Variants in PHLDB2 observed in about 807,000 individuals in gnomAD.
The protein encoded by PHLDB2 is pleckstrin homology-like domain family B member 2.
Under a neutral mutation model 123.6 loss-of-function variants are expected in PHLDB2, and 71 were observed. The ratio of observed to expected loss-of-function variants is 0.57; its 90% CI spans 0.47 to 0.70. The LOEUF (loss-of-function observed/expected upper bound fraction) is 0.70, where lower values mean the gene tolerates loss of function less well. Among genes scored for constraint, PHLDB2 ranks in the 30% least tolerant of loss-of-function variants. The pLI is 0.00. For missense variants in PHLDB2, 1,446 were observed against 1,519.5 expected (o/e 0.95, Z 0.80); for synonymous variants, 547 against 541.6 (o/e 1.01, Z -0.14).
intron 1 of PHLDB2, among the ~76,000 whole-genome samples, chr3:111,871,208 G>A (rs1022996593): frequency 7.2e-5 from 11 of 152,122 alleles, no homozygotes; most frequent in African/African-American, 2.7e-4. Flanking sequence ...CAAGTAATAC[G>A]TTGCATAATT....
intron 14 of PHLDB2, 133 bp from the exon 15 acceptor site, chr3:111,967,545 A>T: frequency 1.2e-6 from 1 of 867,408 alleles, no homozygotes; most frequent in Non-Finnish European, 1.6e-6. Flanking sequence ...GTTTTCTTGT[A>T]GGTTATGTAT....
At chr3:111,935,500 A>AAGATAGATAGAT (rs67765854) in intron 6 of PHLDB2, among the ~76,000 whole-genome samples, 10,021 of 145,652 alleles carry the variant, frequency 0.069, 396 homozygotes, top group East Asian at 0.16. Flanking sequence ...ATGTGTATAT[A>AAGATAGATAGAT]AGATAGATAG....
chr3:111,888,273 T>C (rs1296856553), intron 2 of PHLDB2, among the ~76,000 whole-genome samples: 1 of 152,120 alleles, frequency 6.6e-6, no homozygotes, highest in African/African-American at 2.4e-5. Context: ...CCTCTTTCTT[T>C]TTGTAAAATT....
chr3:111,788,488 C>T (rs1407967059), intron 1 of PHLDB2, among the ~76,000 whole-genome samples: 1 of 152,178 alleles, frequency 6.6e-6, no homozygotes, highest in Non-Finnish European at 1.5e-5. Context: ...TTGATATTCC[C>T]TAAATGAAAA....
intron 1 of PHLDB2, among the ~76,000 whole-genome samples, chr3:111,749,865 A>C (rs2059740791): frequency 6.6e-6 from 1 of 152,138 alleles, no homozygotes. Context: ...AATTCAAAGA[A>C]GGCATTTCCA....
intron 1 of PHLDB2, among the ~76,000 whole-genome samples, chr3:111,745,780 GAAAGAAAAGA>G (rs371101134): frequency 7.2e-6 from 1 of 138,472 alleles, no homozygotes; most frequent in African/African-American, 2.5e-5. Flanking sequence ...AAAAAAGAAA[GAAAGAAAAGA>G]AAAGAAAAGA....
intron 1 of PHLDB2, among the ~76,000 whole-genome samples, chr3:111,876,431 T>C (rs984128678): frequency 5.3e-5 from 8 of 152,178 alleles, no homozygotes; most frequent in East Asian, 1.9e-4. Context: ...CTAGAAGCCT[T>C]ACTAATAACA....
intron 17 of PHLDB2, among the ~76,000 whole-genome samples, 161 bp from the exon 18 acceptor site, chr3:111,974,262 A>G (rs1363490360): frequency 6.6e-6 from 1 of 152,230 alleles, no homozygotes; most frequent in Non-Finnish European, 1.5e-5. Context: ...CAATCCTGAA[A>G]AAGGCTCTGG....
intron 5 of PHLDB2, among the ~76,000 whole-genome samples, chr3:111,923,985 C>T (rs1461339040): frequency 3.9e-5 from 6 of 152,154 alleles, no homozygotes; most frequent in Admixed American, 3.9e-4. Flanking sequence ...GTAGTGTGAT[C>T]TGTCACCAGC....
intron 12 of PHLDB2, chr3:111,957,364 T>C (rs546935964): frequency 3.3e-5 from 5 of 152,778 alleles, no homozygotes; most frequent in Admixed American, 3.3e-4. Flanking sequence ...GGATTTTTAG[T>C]CTAATGATTA....
chr3:111,821,852 CCT>C (rs1284773149), intron 1 of PHLDB2, among the ~76,000 whole-genome samples: 1 of 152,158 alleles, frequency 6.6e-6, no homozygotes, highest in Non-Finnish European at 1.5e-5. Context: ...TGAACATGTT[CCT>C]CTTACTACCT....
chr3:111,788,718 A>T (rs1262849747), intron 1 of PHLDB2, among the ~76,000 whole-genome samples: 3 of 152,182 alleles, frequency 2.0e-5, no homozygotes, highest in Admixed American at 6.5e-5. Context: ...ACAATTCATA[A>T]ACTTTCTTAA....
intron 3 of PHLDB2, chr3:111,915,184 C>T (rs2068099400): frequency 6.6e-6 from 1 of 152,098 alleles, no homozygotes; most frequent in African/African-American, 2.4e-5. Flanking sequence ...TTTAGTTAAT[C>T]TTTTGTTATA....
intron 1 of PHLDB2, among the ~76,000 whole-genome samples, chr3:111,795,956 G>C (rs1319960573): frequency 6.6e-6 from 1 of 152,134 alleles, no homozygotes; most frequent in East Asian, 1.9e-4. Context: ...GAGTGCAGTG[G>C]CGCGATCTCG....
intron 2 of PHLDB2, chr3:111,846,133 T>G: frequency 3.5e-6 from 2 of 567,064 alleles, no homozygotes; most frequent in South Asian, 4.3e-5. Flanking sequence ...CTTACTTCAC[T>G]GAAGTCATAT....
chr3:111,872,399 C>CA (rs2065389385), intron 1 of PHLDB2, among the ~76,000 whole-genome samples: 1 of 152,156 alleles, frequency 6.6e-6, no homozygotes, highest in Non-Finnish European at 1.5e-5. Flanking sequence ...CATGTTAACA[C>CA]AGACCTCCCT....
chr3:111,779,935 C>T (rs980211309), intron 1 of PHLDB2: 3 of 884,394 alleles, frequency 3.4e-6, no homozygotes, highest in African/African-American at 1.8e-5. Flanking sequence ...CTATTTATCA[C>T]CCCACACATT....
At chr3:111,780,274 GA>G (rs768400109) in intron 1 of PHLDB2, among the ~76,000 whole-genome samples, 78 of 2,906 alleles carry the variant, frequency 0.027, 3 homozygotes, top group African/African-American at 0.032. Context: ...AAGAAGAAAA[GA>G]AGAAGAAGAA....
chr3:111,913,445 C>G lies in PHLDB2; in HGVS notation c.1462C>G (p.Leu488Val), dbSNP rs141343267. The part of the protein sequence containing the change: ...KINKELEKLQ[L>V]SDEESVFEEA... Reference sequence around the variant, plus strand: ...CAACAAGGAGCTTGAGAAGCTGCAGCTCTCTGATGAGGAGTCTGTGTTTGA... The same window carrying G: ...CAACAAGGAGCTTGAGAAGCTGCAGGTCTCTGATGAGGAGTCTGTGTTTGA... The change falls in exon 3 of 18, where the codon CTC (leucine) becomes GTC (valine). Residue 488 changes from leucine (L) to valine (V), a missense_variant. Physicochemically the swap from Leu to Val is conservative, Grantham distance 32 (BLOSUM62 1). This residue lies in a region of PHLDB2 where 832 missense variants were observed against 831.9 expected (regional missense o/e 1.00). Transcript: ENST00000431670. The G allele has an allele frequency of 8.4e-4, 1,359 of 1,614,120 alleles. 4 individuals are homozygous for G. Among genetic ancestry groups the G allele is most frequent in the African/African-American group, 4.8e-3 (362 of 75,034 alleles).
Sources: gnomAD v4.1 joint callset for allele counts (sites outside exome capture counted in the v4.1 genomes callset) on GRCh38, gnomAD v4.1.1 for gene constraint, gnomAD v4.1.1 regional missense constraint, MANE v1.5 for transcripts, NCBI Gene and HGNC (gene_info 2026-07-23, HGNC 2026-07-21) for gene names.